DIRAS2: variants seen among roughly 807,000 people sequenced by gnomAD.
DIRAS2 encodes DIRAS family GTPase 2.
Under a neutral mutation model 13.9 loss-of-function variants are expected in DIRAS2, and 5 were observed. That is an observed-to-expected ratio of 0.36 (90% CI 0.19 to 0.76). The LOEUF (loss-of-function observed/expected upper bound fraction) is 0.76. DIRAS2 is among the 30% of genes least tolerant of loss of function. The pLI, the probability that DIRAS2 is intolerant of heterozygous loss-of-function variation, is 0.53. For missense variants in DIRAS2, 191 were observed against 263.0 expected (o/e 0.73, Z 1.89); for synonymous variants, 111 against 105.4 (o/e 1.05, Z -0.33).
intron 1 of DIRAS2, among the ~76,000 whole-genome samples, chr9:90,616,858 G>C (rs933264270): frequency 6.6e-5 from 10 of 151,832 alleles, no homozygotes; most frequent in African/African-American, 2.4e-4. Context: ...TTACCCAACA[G>C]CACTCACAGC....
chr9:90,615,195 G>A (rs958030174), intron 1 of DIRAS2, among the ~76,000 whole-genome samples: 1 of 152,172 alleles, frequency 6.6e-6, no homozygotes, highest in Admixed American at 6.5e-5. Context: ...GGAAGGAAAT[G>A]CATTTGTGCA....
At position 90,613,294 on chromosome 9, in the gene DIRAS2, G is replaced by C. The variant is rs904283931; in HGVS notation, c.534C>G (p.Ile178Met). 1.2e-6 allele frequency: 2 copies of C among 1,613,804 alleles called. No homozygotes were observed. Among genetic ancestry groups the C allele is most frequent in the Non-Finnish European group, 8.5e-7 (1 of 1,179,974 alleles). The change falls in exon 2 of 2, where the codon ATC (isoleucine) becomes ATG (methionine). Residue 178 changes from isoleucine (I) to methionine (M), a missense_variant. Ile to Met is a conservative substitution (Grantham distance 10). Coordinates refer to ENST00000375765, the MANE Select transcript of DIRAS2 (RefSeq NM_017594.5). The surrounding 1 kb of genome is among the most constrained non-coding windows in gnomAD (Gnocchi z 5.6). ...LEKRRTVSLQ[I>M]DGKKSKQQKR... Reference sequence around the variant, plus strand: ...TCTGCTGCTTGCTCTTTTTCCCGTCGATCTGGAGACTCACGGTCCTGCGCT... The same window carrying C: ...TCTGCTGCTTGCTCTTTTTCCCGTCCATCTGGAGACTCACGGTCCTGCGCT...
chr9:90,639,391 C>G (rs1203701509), intron 1 of DIRAS2, among the ~76,000 whole-genome samples: 1 of 152,100 alleles, frequency 6.6e-6, no homozygotes, highest in Non-Finnish European at 1.5e-5. Context: ...AAGCATAATA[C>G]TAAAAGATCT....
chr9:90,637,975 G>T (rs1223239196), intron 1 of DIRAS2, among the ~76,000 whole-genome samples: 1 of 152,178 alleles, frequency 6.6e-6, no homozygotes, highest in Non-Finnish European at 1.5e-5. Context: ...TCTGAAATAT[G>T]TTGCAAATAT....
At chr9:90,615,905 C>T (rs1381012570) in intron 1 of DIRAS2, among the ~76,000 whole-genome samples, 1 of 152,204 alleles carries the variant, frequency 6.6e-6, no homozygotes, top group African/African-American at 2.4e-5. Context: ...CACATTTAAA[C>T]CATAGAAAAT....
At chr9:90,640,913 T>G (rs1825413135) in intron 1 of DIRAS2, among the ~76,000 whole-genome samples, 2 of 152,170 alleles carry the variant, frequency 1.3e-5, no homozygotes, top group South Asian at 4.1e-4. Flanking sequence ...GTCTCCAAAT[T>G]AGAAGAAGAA....
At chr9:90,616,669 G>A (rs1161437944) in intron 1 of DIRAS2, among the ~76,000 whole-genome samples, 2 of 149,070 alleles carry the variant, frequency 1.3e-5, no homozygotes, top group African/African-American at 5.0e-5. Flanking sequence ...CCTGGGAGGT[G>A]GAGGTGGCAG....
intron 1 of DIRAS2, among the ~76,000 whole-genome samples, chr9:90,631,859 A>T (rs1305761965): frequency 6.6e-6 from 1 of 152,000 alleles, no homozygotes; most frequent in Non-Finnish European, 1.5e-5. Context: ...ACCCTGTAAC[A>T]CCCGAAACTG....
At chr9:90,625,077 A>G (rs1203821756) in intron 1 of DIRAS2, among the ~76,000 whole-genome samples, 1 of 152,264 alleles carries the variant, frequency 6.6e-6, no homozygotes, top group African/African-American at 2.4e-5. Flanking sequence ...CTGGTGACCA[A>G]TGACCGATGC....
At chr9:90,640,772 C>A (rs1475268424) in intron 1 of DIRAS2, among the ~76,000 whole-genome samples, 1 of 152,164 alleles carries the variant, frequency 6.6e-6, no homozygotes, top group East Asian at 1.9e-4. Context: ...TGGCAGGCAA[C>A]CACTCCACCC....
At chr9:90,623,419 T>C (rs1251112526) in intron 1 of DIRAS2, among the ~76,000 whole-genome samples, 1 of 152,064 alleles carries the variant, frequency 6.6e-6, no homozygotes, top group Non-Finnish European at 1.5e-5. Flanking sequence ...AACACTCCCT[T>C]ATACTCCAAA....
rs1825114809 is a variant in DIRAS2, at chr9:90,611,635, A to G, written c.*1593T>C. ...AGCAGTTGCAGGAGGTGGCCTGGTC[A>G]AACATCCCCAACTTAAGCCCTCCCT... On this transcript the variant is annotated 3_prime_UTR_variant, in exon 2 of 2. Coordinates refer to ENST00000375765, the MANE Select transcript of DIRAS2 (RefSeq NM_017594.5). 6.6e-6 allele frequency: 1 copy of G among 152,314 alleles called. No homozygotes were observed. The highest frequency in any genetic ancestry group is 6.5e-5 in the Admixed American group (1 of 15,278). 9.4% of individuals were successfully genotyped at this position (152,314 alleles called of 1,614,324 possible).
intron 1 of DIRAS2, among the ~76,000 whole-genome samples, chr9:90,616,529 G>T (rs1031379971): frequency 7.9e-5 from 12 of 152,186 alleles, no homozygotes; most frequent in African/African-American, 2.9e-4. Flanking sequence ...GAATCTGAAA[G>T]ATGAACAGGA....
At chr9:90,624,397 C>T (rs1293369724) in intron 1 of DIRAS2, among the ~76,000 whole-genome samples, 1 of 152,050 alleles carries the variant, frequency 6.6e-6, no homozygotes. Flanking sequence ...TTCCCGGAAT[C>T]TTGTATTGTA....
intron 1 of DIRAS2, among the ~76,000 whole-genome samples, chr9:90,629,384 T>C (rs1008559215): frequency 1.2e-4 from 19 of 152,220 alleles, no homozygotes; most frequent in Non-Finnish European, 2.6e-4. Flanking sequence ...TTTTGAGGTT[T>C]TCTATTAATA....
rs1825114279 is a variant in DIRAS2, at chr9:90,611,586, C to T, written c.*1642G>A. The T allele has an allele frequency of 6.6e-6, 1 of 152,402 alleles. No individual in the cohort carries two copies. Among genetic ancestry groups the T allele is most frequent in the Admixed American group, 6.5e-5 (1 of 15,290 alleles). The allele number at this position is 152,402 out of a possible 1,614,324, so 9.4% of individuals were successfully genotyped here. A position where few individuals can be genotyped will look rare whatever the true frequency, so the allele number is the denominator to read the frequency against. On this transcript the variant is annotated 3_prime_UTR_variant, in exon 2 of 2. Coordinates refer to ENST00000375765, the MANE Select transcript of DIRAS2 (RefSeq NM_017594.5). ...GGCCACACTGCTGCTGCTGCAAGCC[C>T]TGCATAGGAGGGACAGGAGAAACAG...
intron 1 of DIRAS2, among the ~76,000 whole-genome samples, chr9:90,632,567 T>C (rs1464634856): frequency 2.0e-5 from 3 of 152,238 alleles, no homozygotes; most frequent in Non-Finnish European, 4.4e-5. Context: ...TAGAACATAG[T>C]ATGCAATTTC....
intron 1 of DIRAS2, among the ~76,000 whole-genome samples, chr9:90,633,072 G>T (rs1041436441): frequency 3.5e-5 from 1 of 28,630 alleles, no homozygotes; most frequent in African/African-American, 1.9e-4. Context: ...GAGTGCCACC[G>T]TGGGTTGCCA....
chr9:90,622,836 G>T (rs532254773), intron 1 of DIRAS2, among the ~76,000 whole-genome samples: 5 of 152,230 alleles, frequency 3.3e-5, no homozygotes, highest in African/African-American at 1.2e-4. Context: ...TGCTTTTTGA[G>T]GGCTGGGCGG....
Sources: gnomAD v4.1 joint callset for allele counts (sites outside exome capture counted in the v4.1 genomes callset) on GRCh38, gnomAD v4.1.1 for gene constraint, Gnocchi (gnomAD v3.1) non-coding constraint, MANE v1.5 for transcripts, NCBI Gene and HGNC (gene_info 2026-07-23, HGNC 2026-07-21) for gene names.